Variants in C12orf42 observed in about 807,000 individuals in gnomAD.
The protein encoded by C12orf42 is uncharacterized protein C12orf42.
Under a neutral mutation model 21.6 loss-of-function variants are expected in C12orf42, and 25 were observed. That is an observed-to-expected ratio of 1.16 (90% CI 0.84 to 1.62). The LOEUF is 1.62. Ranked by LOEUF, C12orf42 falls within the 40% of genes most tolerant of loss-of-function variation. The pLI, the probability that C12orf42 is intolerant of heterozygous loss-of-function variation, is 0.00. For synonymous variants in C12orf42, 174 were observed against 175.0 expected (o/e 0.99, Z 0.05); for missense variants, 483 against 459.3 (o/e 1.05, Z -0.47).
intron 4 of C12orf42, among the ~76,000 whole-genome samples, chr12:103,348,396 G>A (rs2042819606): frequency 6.6e-6 from 1 of 152,146 alleles, no homozygotes; most frequent in Non-Finnish European, 1.5e-5. Context: ...CCTGGGAACA[G>A]GCCTAGCCTA....
intron 2 of C12orf42, among the ~76,000 whole-genome samples, chr12:103,472,900 G>C (rs1953740722): frequency 6.6e-6 from 1 of 152,142 alleles, no homozygotes; most frequent in Non-Finnish European, 1.5e-5. Flanking sequence ...GTGGCTTTTT[G>C]GTTCCAATTC....
At chr12:103,129,805 C>T in the C12orf42 span, among the ~76,000 whole-genome samples, 1 of 152,320 alleles carries the variant, frequency 6.6e-6, no homozygotes, top group Non-Finnish European at 1.5e-5. Flanking sequence ...CACTAAGTGG[C>T]CTTCCAGCTT....
the C12orf42 span, among the ~76,000 whole-genome samples, chr12:103,116,697 A>G: frequency 2.0e-5 from 3 of 152,274 alleles, no homozygotes; most frequent in Admixed American, 2.0e-4. Context: ...ACATATGAAA[A>G]TCTCAGTCTC....
At chr12:103,496,999 C>T (rs1366037039), upstream of C12orf42, among the ~76,000 whole-genome samples, 2 of 151,872 alleles carry the variant, frequency 1.3e-5, no homozygotes, top group Non-Finnish European at 2.9e-5. Context: ...TCATCTTTTC[C>T]AGCTAAAGTC....
chr12:103,286,845 A>T (rs2036493607), intron 4 of C12orf42, among the ~76,000 whole-genome samples: 2 of 152,152 alleles, frequency 1.3e-5, no homozygotes, highest in Admixed American at 1.3e-4. Context: ...TGTGTTGGGT[A>T]CGGTAAAGGG....
chr12:103,358,194 A>C (rs1323173713), intron 4 of C12orf42, among the ~76,000 whole-genome samples: 1 of 152,116 alleles, frequency 6.6e-6, no homozygotes, highest in Non-Finnish European at 1.5e-5. Flanking sequence ...TTAATGTTTC[A>C]TTAGCCAGAA....
chr12:103,255,771 G>GGC (rs2034530577), intron 10 of C12orf42, among the ~76,000 whole-genome samples: 1 of 151,568 alleles, frequency 6.6e-6, no homozygotes, highest in African/African-American at 2.4e-5. Context: ...AGAATATATG[G>GGC]CCGGGCGCGA....
intron 4 of C12orf42, among the ~76,000 whole-genome samples, chr12:103,308,849 A>G (rs2038650068): frequency 1.3e-5 from 2 of 152,228 alleles, no homozygotes; most frequent in South Asian, 4.1e-4. Context: ...GTGTCCTAAT[A>G]AGAAAAGAAA....
At chr12:103,359,988 C>A (rs185338803) in intron 4 of C12orf42, among the ~76,000 whole-genome samples, 1 of 151,558 alleles carries the variant, frequency 6.6e-6, no homozygotes, top group Non-Finnish European at 1.5e-5. Flanking sequence ...TAGTCATCCC[C>A]TTTCCCTTAC....
chr12:103,559,288 T>C, the C12orf42 span: 2 of 117,164 alleles, frequency 1.7e-5, no homozygotes, highest in Admixed American at 1.8e-4. Context: ...TCCTAGTTGG[T>C]AGCACTTTAC....
At chr12:103,435,719 T>C (rs1317843102) in intron 2 of C12orf42, among the ~76,000 whole-genome samples, 3 of 151,306 alleles carry the variant, frequency 2.0e-5, no homozygotes, top group South Asian at 2.1e-4. Context: ...TAAAAAGAAA[T>C]GAGCAAAGCC....
chr12:103,180,273 C>T, the C12orf42 span, among the ~76,000 whole-genome samples: 1 of 151,830 alleles, frequency 6.6e-6, no homozygotes, highest in African/African-American at 2.4e-5. Context: ...AATTTCATGG[C>T]GAGGAGGGGA....
chr12:103,224,408 C>T, the C12orf42 span, among the ~76,000 whole-genome samples: 4 of 151,998 alleles, frequency 2.6e-5, no homozygotes, highest in African/African-American at 9.7e-5. Context: ...TGGTGTGTGG[C>T]GATTAGGCCT....
the C12orf42 span, among the ~76,000 whole-genome samples, chr12:103,210,777 G>C: frequency 6.6e-6 from 1 of 151,180 alleles, no homozygotes; most frequent in Non-Finnish European, 1.5e-5. Flanking sequence ...CAGGGTATTA[G>C]TAGTGAAGAA....
At chr12:103,382,893 T>C (rs2046303990) in intron 3 of C12orf42, among the ~76,000 whole-genome samples, 1 of 152,170 alleles carries the variant, frequency 6.6e-6, no homozygotes, top group East Asian at 1.9e-4. Context: ...CTAGAGTTCT[T>C]TCACTTCTTC....
intron 5 of C12orf42, among the ~76,000 whole-genome samples, chr12:103,271,584 TTAGGAGTAAATGAGACAGAG>T (rs1325499477): frequency 6.6e-6 from 1 of 152,100 alleles, no homozygotes; most frequent in Non-Finnish European, 1.5e-5. Context: ...TAGGTTTTTA[TTAGGAGTAAATGAGACAGAG>T]TAGGTAAAGC....
intron 1 of C12orf42, among the ~76,000 whole-genome samples, chr12:103,479,950 G>C (rs1954348053): frequency 6.6e-6 from 1 of 151,790 alleles, no homozygotes; most frequent in South Asian, 2.1e-4. Flanking sequence ...AGTTATGCTA[G>C]CTGCAAAACA....
At chr12:103,299,164 CATATT>C (rs1246105769), downstream of C12orf42, among the ~76,000 whole-genome samples, 10 of 151,804 alleles carry the variant, frequency 6.6e-5, no homozygotes, top group Non-Finnish European at 1.3e-4. Context: ...TATAAAATAA[CATATT>C]ATACAGTTTT....
At chr12:103,409,321 G>C (rs1032816768) in intron 2 of C12orf42, among the ~76,000 whole-genome samples, 1 of 152,182 alleles carries the variant, frequency 6.6e-6, no homozygotes, top group African/African-American at 2.4e-5. Context: ...TCAGAGGCCT[G>C]TCATGACTTT....
Sources: gnomAD v4.1 joint callset for allele counts (sites outside exome capture counted in the v4.1 genomes callset) on GRCh38, gnomAD v4.1.1 for gene constraint, MANE v1.5 for transcripts, NCBI Gene and HGNC (gene_info 2026-07-23, HGNC 2026-07-21) for gene names.